Variants in SEMA5B observed in about 807,000 individuals in gnomAD.
SEMA5B encodes semaphorin 5B.
A neutral mutation model predicts 135.0 loss-of-function variants in SEMA5B; 66 were observed. The observed-to-expected ratio is 0.49, with a 90% CI of 0.40 to 0.60. SEMA5B has a LOEUF of 0.60. Among genes scored for constraint, SEMA5B ranks in the 20% least tolerant of loss-of-function variants. The probability of loss-of-function intolerance (pLI) is 0.00; values close to 1 mark genes in which losing one functional copy is unlikely to be tolerated. For synonymous variants in SEMA5B, 690 were observed against 639.5 expected, an observed-to-expected ratio of 1.08 and a Z score of -1.19; for missense variants, 1,501 against 1,566.3, an observed-to-expected ratio of 0.96 and a Z score of 0.70.
chr3:122,992,870 C>T (rs2107725652), intron 1 of SEMA5B: 1 of 151,882 alleles, frequency 6.6e-6, no homozygotes, highest in Admixed American at 6.5e-5. Context: ...CACCATCAGC[C>T]TGCTGTCTGC....
chr3:122,918,448 A>G (rs1333718412), intron 12 of SEMA5B, among the ~76,000 whole-genome samples: 1 of 152,048 alleles, frequency 6.6e-6, no homozygotes, highest in Non-Finnish European at 1.5e-5. Flanking sequence ...TCTTCTAAAT[A>G]CCCCCCAGGT....
At chr3:123,006,226 G>C (rs564616458) in intron 1 of SEMA5B, among the ~76,000 whole-genome samples, 2 of 152,278 alleles carry the variant, frequency 1.3e-5, no homozygotes, top group South Asian at 4.1e-4. Flanking sequence ...GTGGCTGCTG[G>C]GTGGTACATG....
chr3:122,943,780 G>T (rs561036593), intron 3 of SEMA5B, among the ~76,000 whole-genome samples: 1 of 152,216 alleles, frequency 6.6e-6, no homozygotes, highest in Non-Finnish European at 1.5e-5. Context: ...GGCATGAAGG[G>T]ATACTTATAC....
chr3:122,998,425 A>G (rs1942081189), intron 1 of SEMA5B, among the ~76,000 whole-genome samples: 1 of 152,114 alleles, frequency 6.6e-6, no homozygotes, highest in Admixed American at 6.5e-5. Context: ...CTGAGCCTCC[A>G]CTTCTCATCT....
chr3:122,946,751 G>A (rs947199570), intron 3 of SEMA5B, among the ~76,000 whole-genome samples: 1 of 152,140 alleles, frequency 6.6e-6, no homozygotes, highest in African/African-American at 2.4e-5. Flanking sequence ...ATCCCCTTCT[G>A]TGCCTGGCAC....
At position 122,920,768 on chromosome 3, in the gene SEMA5B, C is replaced by T. The variant is rs544759457; in HGVS notation, c.1688+1147G>A. Reference sequence around the variant, plus strand: ...CCATGTGAGTCCTTCCCCCCACACCCGACCATCTCTCCCCACATGTCTGAT... The same window carrying T: ...CCATGTGAGTCCTTCCCCCCACACCTGACCATCTCTCCCCACATGTCTGAT... On this transcript the variant is annotated intron_variant, in intron 12 of 22. Transcript: ENST00000357599. Among the ~76,000 whole-genome samples the T allele has an allele frequency of 5.9e-5, 9 of 152,316 alleles. No homozygotes were observed. In the South Asian group the frequency reaches 1.2e-3, roughly 21 times the overall value.
intron 1 of SEMA5B, among the ~76,000 whole-genome samples, chr3:123,019,651 A>G (rs1438598915): frequency 1.3e-5 from 2 of 152,202 alleles, no homozygotes; most frequent in African/African-American, 2.4e-5. Flanking sequence ...AAAAGAGATA[A>G]TGCACATAAA....
intron 1 of SEMA5B, among the ~76,000 whole-genome samples, chr3:123,002,561 G>A (rs1942205188): frequency 6.6e-6 from 1 of 152,212 alleles, no homozygotes; most frequent in Non-Finnish European, 1.5e-5. Flanking sequence ...CTCAAGCTGT[G>A]AATCCTGAAG....
chr3:123,005,641 G>A (rs1040507950), intron 1 of SEMA5B, among the ~76,000 whole-genome samples: 1 of 152,180 alleles, frequency 6.6e-6, no homozygotes, highest in African/African-American at 2.4e-5. Context: ...TAGGGAGGTG[G>A]AATAGAGAAT....
chr3:123,006,865 G>A (rs1307750596), intron 1 of SEMA5B, among the ~76,000 whole-genome samples: 1 of 152,092 alleles, frequency 6.6e-6, no homozygotes, highest in Non-Finnish European at 1.5e-5. Context: ...CAGCTGCTTA[G>A]ATGAAAAGGG....
chr3:122,939,732 G>A (rs1239991323), intron 4 of SEMA5B, among the ~76,000 whole-genome samples: 1 of 152,220 alleles, frequency 6.6e-6, no homozygotes, highest in Non-Finnish European at 1.5e-5. Flanking sequence ...GAAGGAGTTA[G>A]GATTGAAACC....
At chr3:122,964,927 C>A (rs1239840059) in intron 1 of SEMA5B, among the ~76,000 whole-genome samples, 2 of 152,202 alleles carry the variant, frequency 1.3e-5, no homozygotes, top group East Asian at 1.9e-4. Context: ...CCCAGAGGGG[C>A]TCCACAGTGG....
chr3:122,982,648 T>C (rs951657418), intron 1 of SEMA5B, among the ~76,000 whole-genome samples: 2 of 152,142 alleles, frequency 1.3e-5, no homozygotes, highest in African/African-American at 4.8e-5. Context: ...GTCTTCCCTT[T>C]CTAGTCCCTG....
chr3:122,962,005 C>A lies in SEMA5B; in HGVS notation c.-38-704G>T, dbSNP rs1242124343. Among the ~76,000 whole-genome samples the A allele has an allele frequency of 3.9e-5, 6 of 152,326 alleles. No individual in the cohort carries two copies. The South Asian group carries it at 8.3e-4, about 21-fold the overall frequency. On this transcript the variant is annotated intron_variant, in intron 1 of 22. Coordinates refer to ENST00000357599, the MANE Select transcript of SEMA5B (RefSeq NM_001031702.4). ...CTTCCGCTGTTGCCTCTCCCGTGGA[C>A]CACAGCTGGGCAAGGTTCTCTACTT... is the stretch of plus-strand genomic sequence containing the variant.
Position 122,961,212 on chromosome 3 carries a change from G to A in SEMA5B, c.52C>T (p.Pro18Ser), listed in dbSNP as rs763039318. Reference sequence around the variant, plus strand: ...AGCTGTTGGGCTGGGGTATCAGGCGGCCCAGGGACGAGGTGGTGGGCAACA... The same window carrying A: ...AGCTGTTGGGCTGGGGTATCAGGCGACCCAGGGACGAGGTGGTGGGCAACA... ...SPVAHHLVPGPPDTPAQQLRC... is the reference protein window; with the variant it reads ...SPVAHHLVPGSPDTPAQQLRC... Residue 18 changes from proline to serine, a missense_variant, in exon 2 of 23, where the codon CCG becomes TCG. Transcript: ENST00000357599. 6.2e-7 allele frequency: 1 copy of A among 1,613,986 alleles called. No homozygotes were observed.
chr3:122,928,284 G>A (rs985770725), intron 7 of SEMA5B, among the ~76,000 whole-genome samples: 5 of 152,174 alleles, frequency 3.3e-5, no homozygotes, highest in African/African-American at 7.2e-5. Flanking sequence ...AATTTCAGAC[G>A]AACAGGGAGT....
chr3:122,947,905 T>TG (rs1314702307), intron 3 of SEMA5B, among the ~76,000 whole-genome samples: 4 of 152,128 alleles, frequency 2.6e-5, no homozygotes, highest in African/African-American at 7.2e-5. Context: ...TGTTTTGTTT[T>TG]TTTTTAGCAA....
At position 122,912,948 on chromosome 3, in the gene SEMA5B, G is replaced by C; in HGVS notation, c.2620C>G (p.Arg874Gly). Residue 874 changes from arginine to glycine, a missense_variant, in exon 18 of 23, where the codon CGC becomes GGC. Around this residue, in one of 2 missense-constraint regions of SEMA5B, gnomAD observed 927 missense variants for 881.6 expected, o/e 1.05. Coordinates refer to ENST00000357599, the MANE Select transcript of SEMA5B (RefSeq NM_001031702.4). Reference sequence around the variant, plus strand: ...TTAGTGCACGTTCTCTTGCGGACGCGGAAGCCCAGCTCGCAGTCCCGGGAG... The same window carrying C: ...TTAGTGCACGTTCTCTTGCGGACGCCGAAGCCCAGCTCGCAGTCCCGGGAG... The part of the protein sequence containing the change: ...SCSRDCELGF[R>G]VRKRTCTNPE... 2 of 1,612,652 alleles carry C rather than the reference G, an allele frequency of 1.2e-6. No individual in the cohort carries two copies. Among genetic ancestry groups the C allele is most frequent in the Non-Finnish European group, 1.7e-6 (2 of 1,179,486 alleles).
chr3:122,967,365 C>G (rs77556654), intron 1 of SEMA5B, among the ~76,000 whole-genome samples: 4,108 of 152,288 alleles, frequency 0.027, 75 homozygotes, highest in South Asian at 0.1. Context: ...CAAGGATCTT[C>G]TCGAGTTGAA....
Sources: gnomAD v4.1 joint callset for allele counts (sites outside exome capture counted in the v4.1 genomes callset) on GRCh38, gnomAD v4.1.1 for gene constraint, gnomAD v4.1.1 regional missense constraint, MANE v1.5 for transcripts, NCBI Gene and HGNC (gene_info 2026-07-23, HGNC 2026-07-21) for gene names.